Variants in ZFHX3 observed in about 807,000 individuals in gnomAD.
The protein encoded by ZFHX3 is zinc finger homeobox 3.
ZFHX3 carries 42 observed loss-of-function variants against 279.1 expected under a neutral mutation model. The observed-to-expected ratio is 0.15, with a 90% CI of 0.12 to 0.19. ZFHX3 has a LOEUF of 0.19. Among genes scored for constraint, ZFHX3 ranks in the 10% least tolerant of loss-of-function variants. The probability of loss-of-function intolerance (pLI) is 1.00; values close to 1 mark genes in which losing one functional copy is unlikely to be tolerated. For missense variants in ZFHX3, 4,981 were observed against 4,754.0 expected (o/e 1.05, Z -1.40); for synonymous variants, 2,293 against 1,957.8 (o/e 1.17, Z -4.52).
At chr16:73,669,116 C>A (rs571313386) in intron 2 of ZFHX3, among the ~76,000 whole-genome samples, 69 of 149,528 alleles carry the variant, frequency 4.6e-4, no homozygotes, top group African/African-American at 1.7e-3. Flanking sequence ...TGCAGTGGTG[C>A]GATCTGGGCT....
At chr16:73,568,894 G>A (rs555057332) in intron 2 of ZFHX3, among the ~76,000 whole-genome samples, 2 of 152,198 alleles carry the variant, frequency 1.3e-5, no homozygotes, top group Middle Eastern at 3.4e-3. Context: ...ACAGCCGTGG[G>A]TGAGCTGCCG....
intron 4 of ZFHX3, among the ~76,000 whole-genome samples, chr16:73,292,926 G>C (rs983587520): frequency 1.1e-4 from 16 of 152,220 alleles, no homozygotes; most frequent in African/African-American, 3.9e-4. Context: ...AAGGTAGACA[G>C]TCTGCTGACA....
chr16:73,024,065 G>A (rs542605355), intron 1 of ZFHX3, among the ~76,000 whole-genome samples: 52 of 152,268 alleles, frequency 3.4e-4, no homozygotes, highest in African/African-American at 1.2e-3. Flanking sequence ...ATAAACAGCA[G>A]AGACAGAGGC....
chr16:73,096,026 A>G (rs1204562747), intron 7 of ZFHX3, among the ~76,000 whole-genome samples: 2 of 152,096 alleles, frequency 1.3e-5, no homozygotes, highest in African/African-American at 4.8e-5. Context: ...TGGAAAGACG[A>G]TGTGATTGAG....
At chr16:73,293,373 G>A (rs1015126758) in intron 4 of ZFHX3, among the ~76,000 whole-genome samples, 2 of 152,178 alleles carry the variant, frequency 1.3e-5, no homozygotes, top group African/African-American at 4.8e-5. Context: ...TGATTTGCAG[G>A]AGGAGAACTA....
intron 4 of ZFHX3, among the ~76,000 whole-genome samples, chr16:73,276,635 C>T (rs1345465498): frequency 6.6e-6 from 1 of 152,066 alleles, no homozygotes; most frequent in Admixed American, 6.6e-5. Flanking sequence ...TTAAAGTGTA[C>T]AAAACGATGT....
intron 4 of ZFHX3, among the ~76,000 whole-genome samples, chr16:73,284,900 T>C (rs951735586): frequency 2.0e-5 from 3 of 152,208 alleles, no homozygotes; most frequent in African/African-American, 7.2e-5. Flanking sequence ...TGGAGAGCAC[T>C]GGTGTGATCA....
chr16:73,053,797 A>G (rs1254832036), intron 1 of ZFHX3, among the ~76,000 whole-genome samples: 3 of 152,164 alleles, frequency 2.0e-5, no homozygotes, highest in Non-Finnish European at 2.9e-5. Context: ...AGGCGGGGGT[A>G]GGGATAAGAG....
At chr16:73,067,761 C>G (rs1024888991) in intron 8 of ZFHX3, among the ~76,000 whole-genome samples, 1 of 152,102 alleles carries the variant, frequency 6.6e-6, no homozygotes, top group Admixed American at 6.5e-5. Context: ...AATTTAGTGC[C>G]CAGCCTTGGA....
chr16:73,635,532 G>A (rs1439410052), intron 2 of ZFHX3, among the ~76,000 whole-genome samples: 1 of 152,158 alleles, frequency 6.6e-6, no homozygotes, highest in Non-Finnish European at 1.5e-5. Context: ...TGGTGGGTTG[G>A]AAGTGAAAGA....
At chr16:73,498,938 A>G (rs963740500) in intron 2 of ZFHX3, among the ~76,000 whole-genome samples, 1 of 152,146 alleles carries the variant, frequency 6.6e-6, no homozygotes, top group Non-Finnish European at 1.5e-5. Context: ...GGAAGATTCC[A>G]CAAGGTAAGA....
chr16:73,328,053 CT>C (rs2015728857), intron 3 of ZFHX3, among the ~76,000 whole-genome samples: 1 of 152,122 alleles, frequency 6.6e-6, no homozygotes, highest in Non-Finnish European at 1.5e-5. Context: ...TTTTCCTATG[CT>C]TTTTAAATTT....
intron 2 of ZFHX3, among the ~76,000 whole-genome samples, chr16:73,484,646 C>T (rs1216499829): frequency 6.6e-6 from 1 of 152,196 alleles, no homozygotes; most frequent in Non-Finnish European, 1.5e-5. Context: ...AGTGCATACC[C>T]ATGTGAGGAG....
Position 72,959,874 on chromosome 16 carries a change from A to C in ZFHX3, c.272T>G (p.Leu91Arg). 6.2e-7 allele frequency: 1 copy of C among 1,602,822 alleles called. No individual in the cohort carries two copies. The change falls in exon 2 of 10, where the codon CTC (leucine) becomes CGC (arginine). Residue 91 changes from leucine (L) to arginine (R), a missense_variant. Leu to Arg is a moderately radical substitution (Grantham distance 102, BLOSUM62 -2). This residue lies in a region of ZFHX3 where 1,068 missense variants were observed against 935.2 expected (regional missense o/e 1.14). Transcript: ENST00000268489. ...GCAGTGGTGCTCCATGTAGGTCTGG[A>C]GGCTGGCAAAGGAGGCCGAACATTC... Reference protein sequence around the residue: ...CNECSASFASLQTYMEHHCPS... With the variant: ...CNECSASFASRQTYMEHHCPS...
intron 1 of ZFHX3, among the ~76,000 whole-genome samples, chr16:72,967,024 CCCA>C (rs1236930924): frequency 6.6e-6 from 1 of 152,122 alleles, no homozygotes; most frequent in Non-Finnish European, 1.5e-5. Context: ...CTTGTCTGTC[CCCA>C]CCACAAGGCT....
Position 73,649,535 on chromosome 16 carries a change from G to C in ZFHX3, c.-1547+30645C>G, listed in dbSNP as rs186188525. 8.1e-3 allele frequency among the ~76,000 whole-genome samples: 1,232 copies of C among 152,228 alleles called. 7 individuals are homozygous for C. The highest frequency in any genetic ancestry group is 0.017 in the Middle Eastern group (5 of 294). On this transcript the variant is annotated intron_variant, in intron 2 of 17. Coordinates refer to the ZFHX3 transcript ENST00000641206. ...AGGTATTCTCTGGTCTCTTGGTTTT[G>C]CTTATTTATATATCCTGATTTTCTA...
chr16:73,628,346 A>G (rs576388170), intron 2 of ZFHX3, among the ~76,000 whole-genome samples: 49 of 152,338 alleles, frequency 3.2e-4, no homozygotes, highest in African/African-American at 1.1e-3. Flanking sequence ...TGGATCTATA[A>G]GAGCATCCAT....
chr16:73,866,095 C>G (rs4888921), intron 1 of ZFHX3, among the ~76,000 whole-genome samples: 59,121 of 150,966 alleles, frequency 0.39, 14,128 homozygotes, highest in Non-Finnish European at 0.53. Flanking sequence ...CTCAATCTCC[C>G]GGGCTCAGGC....
intron 1 of ZFHX3, among the ~76,000 whole-genome samples, chr16:73,687,423 T>C (rs375776377): frequency 2.9e-4 from 44 of 151,542 alleles, no homozygotes; most frequent in African/African-American, 9.9e-4. Flanking sequence ...CATTTATTAC[T>C]AGATAAATTT....
Sources: allele counts gnomAD v4.1 joint callset (sites outside exome capture counted in the v4.1 genomes callset), GRCh38; gene constraint gnomAD v4.1.1; regional missense constraint gnomAD v4.1.1; transcripts MANE v1.5; gene names NCBI Gene and HGNC (gene_info 2026-07-23, HGNC 2026-07-21).